The following CCSER1 variants were observed in gnomAD, a reference collection of about 807,000 sequenced individuals.
CCSER1 encodes the protein coiled-coil serine rich protein 1.
A neutral mutation model predicts 82.0 loss-of-function variants in CCSER1; 41 were observed. The observed-to-expected ratio is 0.50, with a 90% CI of 0.39 to 0.65. CCSER1 has a LOEUF of 0.65. Among genes scored for constraint, CCSER1 ranks in the 30% least tolerant of loss-of-function variants. The probability of loss-of-function intolerance (pLI) is 0.00; values close to 1 mark genes in which losing one functional copy is unlikely to be tolerated. For missense variants in CCSER1, 1,119 were observed against 1,064.2 expected, an observed-to-expected ratio of 1.05 and a Z score of -0.72; for synonymous variants, 414 against 383.9, an observed-to-expected ratio of 1.08 and a Z score of -0.92.
At chr4:91,056,439 C>T (rs952525648) in intron 9 of CCSER1, among the ~76,000 whole-genome samples, 2 of 152,130 alleles carry the variant, frequency 1.3e-5, no homozygotes, top group African/African-American at 4.8e-5. Context: ...AATGGAGGAA[C>T]CCAATTTCTT....
chr4:90,508,502 C>G (rs1277961462), intron 5 of CCSER1, among the ~76,000 whole-genome samples: 1 of 152,004 alleles, frequency 6.6e-6, no homozygotes, highest in Non-Finnish European at 1.5e-5. Context: ...AGGAATCCTC[C>G]AATCTTTCTC....
At chr4:90,143,998 CT>C (rs1331357136) in intron 1 of CCSER1, among the ~76,000 whole-genome samples, 2 of 152,280 alleles carry the variant, frequency 1.3e-5, no homozygotes, top group African/African-American at 4.8e-5. Context: ...TCCACATCTC[CT>C]TTGTTATCAT....
At chr4:90,923,514 C>T in intron 9 of CCSER1, 67 bp downstream of exon 9, 2 of 1,050,566 alleles carry the variant, frequency 1.9e-6, no homozygotes, top group East Asian at 2.6e-5. Context: ...GCTTATTGAC[C>T]TCTGCGGCTG....
intron 9 of CCSER1, among the ~76,000 whole-genome samples, chr4:91,014,690 T>C (rs913263046): frequency 6.6e-6 from 1 of 152,164 alleles, no homozygotes; most frequent in African/African-American, 2.4e-5. Flanking sequence ...AAACATACAT[T>C]CAAAAATATT....
intron 10 of CCSER1, among the ~76,000 whole-genome samples, chr4:91,553,193 T>C (rs1423968322): frequency 1.3e-5 from 2 of 151,648 alleles, no homozygotes; most frequent in African/African-American, 2.4e-5. Flanking sequence ...ATGTGTTAGA[T>C]CACATTTTTT....
intron 10 of CCSER1, among the ~76,000 whole-genome samples, chr4:91,177,552 G>A (rs565493934): frequency 2.6e-5 from 4 of 152,252 alleles, no homozygotes; most frequent in East Asian, 3.9e-4. Context: ...TCTTGGGAGG[G>A]TGTATGTGTC....
intron 9 of CCSER1, among the ~76,000 whole-genome samples, chr4:91,067,556 GT>G (rs1039206249): frequency 2.8e-4 from 43 of 152,050 alleles, no homozygotes; most frequent in African/African-American, 1.0e-3. Context: ...TGTTGTCTAG[GT>G]TGGTCTCAAA....
chr4:91,194,554 TATTG>T (rs966357156), intron 10 of CCSER1, among the ~76,000 whole-genome samples: 3 of 152,252 alleles, frequency 2.0e-5, no homozygotes, highest in South Asian at 2.1e-4. Flanking sequence ...GAAAAAAAAT[TATTG>T]ATTGTCATAG....
chr4:90,628,010 T>G lies in CCSER1; in HGVS notation c.1725-15T>G, dbSNP rs1284933155. ...GCTGCACTGTAATTTTTGTTCTTTT[T>G]TTTTTTCTTGTTAGGAATCTTTCCC... is the stretch of plus-strand genomic sequence containing the variant. On this transcript the variant is annotated splice_polypyrimidine_tract_variant and intron_variant, in intron 5 of 10. Transcript: ENST00000509176. The G allele has an allele frequency of 1.9e-6, 3 of 1,610,614 alleles. No individual in the cohort carries two copies. The highest frequency in any genetic ancestry group is 2.5e-6 in the Non-Finnish European group (3 of 1,177,242).
chr4:90,544,475 G>C (rs1329185465), intron 5 of CCSER1, among the ~76,000 whole-genome samples: 1 of 152,054 alleles, frequency 6.6e-6, no homozygotes, highest in South Asian at 2.1e-4. Flanking sequence ...GTGGAGTTAC[G>C]GACAACACTG....
At chr4:90,220,110 C>T (rs1741848511) in intron 1 of CCSER1, among the ~76,000 whole-genome samples, 1 of 152,212 alleles carries the variant, frequency 6.6e-6, no homozygotes, top group South Asian at 2.1e-4. Flanking sequence ...ACCTTTATTA[C>T]AGTATGTTGT....
intron 9 of CCSER1, among the ~76,000 whole-genome samples, chr4:91,067,070 C>T (rs1262151671): frequency 6.6e-6 from 1 of 151,866 alleles, no homozygotes; most frequent in Non-Finnish European, 1.5e-5. Context: ...GAGGCTAAAG[C>T]AGGAAATGGC....
At chr4:91,233,738 T>C (rs1738792377) in intron 10 of CCSER1, among the ~76,000 whole-genome samples, 1 of 151,930 alleles carries the variant, frequency 6.6e-6, no homozygotes, top group Non-Finnish European at 1.5e-5. Context: ...TCACAACAGA[T>C]GGTCTATTTA....
At chr4:90,360,074 C>T (rs987571003) in intron 3 of CCSER1, among the ~76,000 whole-genome samples, 19 of 148,928 alleles carry the variant, frequency 1.3e-4, no homozygotes, top group South Asian at 4.2e-4. Flanking sequence ...CCCGCCATCA[C>T]GCCTGGCTAA....
Position 91,548,698 on chromosome 4 carries a change from G to A in CCSER1, c.2218-49874G>A, listed in dbSNP as rs369971026. ...TATTCAACTCTCTTCTATCTGGCAT[G>A]GTTTCTGTGGAGAAATTGGATGTGA... On this transcript the variant is annotated intron_variant, in intron 10 of 10. Coordinates refer to ENST00000509176, the MANE Select transcript of CCSER1 (RefSeq NM_001145065.2). 1.4e-4 allele frequency among the ~76,000 whole-genome samples: 22 copies of A among 151,908 alleles called. No individual in the cohort carries two copies. In the East Asian group the frequency reaches 2.1e-3, roughly 15 times the overall value.
intron 1 of CCSER1, among the ~76,000 whole-genome samples, chr4:90,229,016 G>T (rs1483778093): frequency 6.6e-6 from 1 of 152,158 alleles, no homozygotes; most frequent in Non-Finnish European, 1.5e-5. Flanking sequence ...GAAAGTGATG[G>T]GGAGAATGGA....
chr4:90,230,773 A>G (rs1744349034), intron 1 of CCSER1, among the ~76,000 whole-genome samples: 2 of 152,176 alleles, frequency 1.3e-5, no homozygotes, highest in Admixed American at 6.5e-5. Context: ...GACGCAATAA[A>G]AAATGATAAA....
chr4:90,815,244 T>A lies in CCSER1; in HGVS notation c.2011-518T>A, dbSNP rs967880528. Among the ~76,000 whole-genome samples the A allele has an allele frequency of 2.6e-5, 4 of 152,016 alleles. No individual in the cohort carries two copies. The South Asian group carries it at 8.3e-4, about 32-fold the overall frequency. ...GAACTTTCTCACTATCATGAGAATA[T>A]CATGGGAGAAACCACCCCCATGATC... On this transcript the variant is annotated intron_variant, in intron 7 of 10. Transcript: ENST00000509176.
At chr4:91,509,032 T>A (rs1759683160) in intron 10 of CCSER1, among the ~76,000 whole-genome samples, 2 of 152,020 alleles carry the variant, frequency 1.3e-5, no homozygotes, top group South Asian at 4.1e-4. Flanking sequence ...ATTAATCTTT[T>A]CAAAAAACAA....
Sources: gnomAD v4.1 joint callset for allele counts (sites outside exome capture counted in the v4.1 genomes callset) on GRCh38, gnomAD v4.1.1 for gene constraint, MANE v1.5 for transcripts, NCBI Gene and HGNC (gene_info 2026-07-23, HGNC 2026-07-21) for gene names.